Variants in PIP observed in about 807,000 individuals in gnomAD.
PIP encodes the protein prolactin induced protein, also known as prolactin-inducible protein.
Under a neutral mutation model 12.8 loss-of-function variants are expected in PIP, and 9 were observed. The observed-to-expected ratio is 0.70, with a 90% CI of 0.42 to 1.23. The LOEUF is 1.23. PIP is among the 50% of genes most tolerant of loss of function. The pLI is 0.00. For missense variants in PIP, 172 were observed against 179.5 expected, an observed-to-expected ratio of 0.96 and a Z score of 0.24; for synonymous variants, 60 against 66.1, an observed-to-expected ratio of 0.91 and a Z score of 0.45.
At chr7:143,134,250 C>A (rs1799280475) in intron 1 of PIP, among the ~76,000 whole-genome samples, 2 of 114,822 alleles carry the variant, frequency 1.7e-5, no homozygotes, top group Non-Finnish European at 3.4e-5. Flanking sequence ...GTTTCTTTAT[C>A]CACTCGTTGA....
chr7:143,132,804 CAT>C (rs1285224506), intron 1 of PIP, among the ~76,000 whole-genome samples: 1 of 152,036 alleles, frequency 6.6e-6, no homozygotes, highest in Non-Finnish European at 1.5e-5. Context: ...ATTGAGAACA[CAT>C]GTGTGAAGGA....
At chr7:143,132,508 C>G (rs762699175) in intron 1 of PIP, among the ~76,000 whole-genome samples, 18 of 152,102 alleles carry the variant, frequency 1.2e-4, no homozygotes, top group Non-Finnish European at 1.9e-4. Flanking sequence ...ACATCTTGTT[C>G]ATAATTTATA....
At chr7:143,139,491 G>A (rs1423669377) in intron 3 of PIP, 27 bp from the exon 4 acceptor site, 2 of 1,611,520 alleles carry the variant, frequency 1.2e-6, no homozygotes, top group Non-Finnish European at 1.7e-6. Flanking sequence ...GTGTCTGAGA[G>A]ATGATCTCCG....
chr7:143,134,166 GAGTAGTAGTATTCCATCATATATATATAT>G (rs1799273805), intron 1 of PIP, among the ~76,000 whole-genome samples: 1 of 124,670 alleles, frequency 8.0e-6, no homozygotes, highest in African/African-American at 3.0e-5. Flanking sequence ...TATTATGGCT[GAGTAGTAGTATTCCATCATATATATATAT>G]ATATATATAT....
chr7:143,139,577 G>A lies in PIP; in HGVS notation c.376G>A (p.Asp126Asn), dbSNP rs745385539. ...VIRELGICPD[D>N]AAVIPIKNNR... is the part of the protein sequence containing the mutation. ...TCGGGAATTAGGCATCTGCCCTGAT[G>A]ATGCTGCTGTAATCCCCATCAAAAA... Residue 126 changes from aspartate (D) to asparagine (N), a missense_variant, in exon 4 of 4, where the codon GAT becomes AAT. By Grantham distance (23) the Asp-to-Asn change is conservative. Transcript: ENST00000291009. 6.2e-7 allele frequency: 1 copy of A among 1,611,846 alleles called. No homozygotes were observed. Among genetic ancestry groups the A allele is most frequent in the Non-Finnish European group, 8.5e-7 (1 of 1,178,050 alleles).
At chr7:143,134,183 C>CATATACATATATATATAT (rs1799274554) in intron 1 of PIP, among the ~76,000 whole-genome samples, 1 of 41,664 alleles carries the variant, frequency 2.4e-5, no homozygotes, top group African/African-American at 8.8e-5. Flanking sequence ...AGTATTCCAT[C>CATATACATATATATATAT]ATATATATAT....
rs1035416435 is a variant in PIP at position 143,134,468 on chromosome 7, A to C, written c.96-726A>C. ...TTACATAGTGGTTGTAGCAGTTTAC[A>C]TTCCCGTCAGCAGTATAGAAGTGTC... On this transcript the variant is annotated intron_variant, in intron 1 of 3. Coordinates refer to ENST00000291009, the MANE Select transcript of PIP (RefSeq NM_002652.3). 1.3e-4 allele frequency among the ~76,000 whole-genome samples: 19 copies of C among 151,564 alleles called. 1 individual carries two copies. Among genetic ancestry groups the C allele is most frequent in the Non-Finnish European group, 2.7e-4 (18 of 67,814 alleles).
intron 2 of PIP, among the ~76,000 whole-genome samples, chr7:143,137,586 T>A (rs553362688): frequency 6.6e-6 from 1 of 152,186 alleles, no homozygotes; most frequent in Admixed American, 6.5e-5. Context: ...CATGACGATA[T>A]GTTGTTGCTA....
chr7:143,138,118 C>G (rs936601270), intron 2 of PIP, among the ~76,000 whole-genome samples: 8 of 152,038 alleles, frequency 5.3e-5, no homozygotes, highest in Non-Finnish European at 1.0e-4. Flanking sequence ...ATGAGCCAGT[C>G]TGATAACTGC....
chr7:143,138,895 G>C (rs1799336273), intron 2 of PIP, among the ~76,000 whole-genome samples, 180 bp from the exon 3 acceptor site: 1 of 152,086 alleles, frequency 6.6e-6, no homozygotes, highest in Admixed American at 6.5e-5. Context: ...CATTGGAAGG[G>C]AAAACCTTCT....
At chr7:143,139,284 A>G in intron 3 of PIP, 95 bp downstream of exon 3, 3 of 885,870 alleles carry the variant, frequency 3.4e-6, no homozygotes, top group South Asian at 1.3e-5. Context: ...GAGCAGGACC[A>G]GGACCTCAGG....
rs1799349853 is a variant in PIP, at chr7:143,139,708, C to T, written c.*66C>T. On this transcript the variant is annotated 3_prime_UTR_variant, in exon 4 of 4. Transcript: ENST00000291009. Reference sequence around the variant, plus strand: ...TAAAGAAACTTGGCTGGAATTTCTGCTGTGGTCTATAAAATAAACTTCTTA... The same window carrying T: ...TAAAGAAACTTGGCTGGAATTTCTGTTGTGGTCTATAAAATAAACTTCTTA... The T allele has an allele frequency of 6.7e-7, 1 of 1,493,594 alleles. No individual in the cohort carries two copies. The highest frequency in any genetic ancestry group is 9.3e-7 in the Non-Finnish European group (1 of 1,079,702). 92.5% of individuals were successfully genotyped at this position (1,493,594 alleles called of 1,614,324 possible). A position where few individuals can be genotyped will look rare whatever the true frequency, so the allele number is the denominator to read the frequency against.
chr7:143,133,672 A>G (rs1025596947), intron 1 of PIP, among the ~76,000 whole-genome samples: 1 of 152,048 alleles, frequency 6.6e-6, no homozygotes, highest in Non-Finnish European at 1.5e-5. Flanking sequence ...GTTCCCAAAC[A>G]TGGCCATATG....
intron 2 of PIP, among the ~76,000 whole-genome samples, chr7:143,137,354 T>C (rs1799319439): frequency 6.6e-6 from 1 of 152,160 alleles, no homozygotes; most frequent in Non-Finnish European, 1.5e-5. Flanking sequence ...TGCAGTAAGG[T>C]ATGTGTTTCT....
chr7:143,132,940 G>A (rs758552175), intron 1 of PIP, among the ~76,000 whole-genome samples: 8 of 151,956 alleles, frequency 5.3e-5, no homozygotes, highest in Non-Finnish European at 1.0e-4. Flanking sequence ...TGGGTTTCTG[G>A]GTTGTGATCT....
At chr7:143,133,646 T>C (rs1238723589) in intron 1 of PIP, among the ~76,000 whole-genome samples, 1 of 151,966 alleles carries the variant, frequency 6.6e-6, no homozygotes, top group Non-Finnish European at 1.5e-5. Flanking sequence ...GGTCTAAATG[T>C]AGAGTAGTAT....
At chr7:143,138,686 G>C (rs1455793425) in intron 2 of PIP, among the ~76,000 whole-genome samples, 1 of 152,128 alleles carries the variant, frequency 6.6e-6, no homozygotes, top group Non-Finnish European at 1.5e-5. Flanking sequence ...CTACACGCAA[G>C]TGGCCAGGCT....
rs1044189120 is a variant in PIP, at chr7:143,135,295, T to C, written c.197T>C (p.Met66Thr). ...GTTCAAACAGAATTGAAAGAATGCA[T>C]GGTGGTAAGTAGAGGACTGGGGGCG... ...LAVQTELKEC[M>T]VVKTYLISSI... is the part of the protein sequence containing the mutation. The change falls in exon 2 of 4, where the codon ATG (methionine) becomes ACG (threonine). Residue 66 changes from methionine (M) to threonine (T), a missense_variant. By Grantham distance (81) the Met-to-Thr change is moderately conservative. Transcript: ENST00000291009. 3.3e-6 allele frequency: 5 copies of C among 1,518,358 alleles called. No individual in the cohort carries two copies. In the African/African-American group the frequency reaches 4.1e-5, roughly 12 times the overall value. 94.1% of individuals were successfully genotyped at this position (1,518,358 alleles called of 1,614,324 possible).
intron 2 of PIP, among the ~76,000 whole-genome samples, chr7:143,136,472 T>C (rs1347474363): frequency 6.6e-6 from 1 of 152,120 alleles, no homozygotes; most frequent in African/African-American, 2.4e-5. Flanking sequence ...GAGCAAAGAA[T>C]ATCACAGCTG....
Sources: gnomAD v4.1 joint callset for allele counts (sites outside exome capture counted in the v4.1 genomes callset) on GRCh38, gnomAD v4.1.1 for gene constraint, MANE v1.5 for transcripts, NCBI Gene and HGNC (gene_info 2026-07-23, HGNC 2026-07-21) for gene names.